The following ACOXL variants were observed in gnomAD, a reference collection of about 807,000 sequenced individuals.
ACOXL encodes acyl-CoA oxidase like, also known as acyl-coenzyme A oxidase-like protein.
Under a neutral mutation model 71.9 loss-of-function variants are expected in ACOXL, and 70 were observed. The observed-to-expected ratio is 0.97, with a 90% CI of 0.80 to 1.19. The LOEUF (loss-of-function observed/expected upper bound fraction) is 1.19. Ranked by LOEUF, ACOXL falls within the 50% of genes most tolerant of loss-of-function variation. The pLI, the probability that ACOXL is intolerant of heterozygous loss-of-function variation, is 0.00. For missense variants in ACOXL, 703 were observed against 736.3 expected (o/e 0.95, Z 0.52); for synonymous variants, 253 against 281.6 (o/e 0.90, Z 1.02).
At chr2:110,941,356 C>G (rs956672744) in intron 12 of ACOXL, among the ~76,000 whole-genome samples, 1 of 152,160 alleles carries the variant, frequency 6.6e-6, no homozygotes, top group African/African-American at 2.4e-5. Context: ...AAAAAATGGA[C>G]AATATATGTA....
At chr2:111,089,298 AAAACAAACAAACAAAC>A (rs368776745) in intron 16 of ACOXL, among the ~76,000 whole-genome samples, 2 of 152,028 alleles carry the variant, frequency 1.3e-5, no homozygotes, top group South Asian at 2.1e-4. Flanking sequence ...CTCCGTCTCA[AAAACAAACAAACAAAC>A]AAACAAACAA....
chr2:110,953,363 C>T (rs1280378449), intron 12 of ACOXL, among the ~76,000 whole-genome samples: 4 of 151,330 alleles, frequency 2.6e-5, no homozygotes, highest in South Asian at 2.1e-4. Flanking sequence ...TTAATTCCAT[C>T]GTAGAGAAAA....
At chr2:110,904,127 G>A (rs750983046) in intron 10 of ACOXL, among the ~76,000 whole-genome samples, 8 of 152,140 alleles carry the variant, frequency 5.3e-5, no homozygotes, top group Non-Finnish European at 1.2e-4. Flanking sequence ...GGATTGTCAG[G>A]GTCTTGGGCC....
intron 10 of ACOXL, chr2:110,887,018 C>T (rs10188169): frequency 0.34 from 263,333 of 777,718 alleles, 46,663 homozygotes; most frequent in Middle Eastern, 0.39. Context: ...TGCAGAGTGC[C>T]GCTTAGGAGA....
intron 10 of ACOXL, chr2:110,887,060 A>G (rs1381034247): frequency 7.7e-6 from 4 of 518,590 alleles, no homozygotes; most frequent in African/African-American, 5.7e-5. Context: ...TCTGCTGTGT[A>G]TGTCTCTCCA....
intron 12 of ACOXL, among the ~76,000 whole-genome samples, chr2:110,955,574 A>G (rs2149425096): frequency 6.6e-6 from 1 of 152,142 alleles, no homozygotes; most frequent in South Asian, 2.1e-4. Context: ...ACCTAAACTA[A>G]CATAAAATAA....
intron 1 of ACOXL, among the ~76,000 whole-genome samples, chr2:110,752,658 T>G (rs955609419): frequency 6.6e-6 from 1 of 151,802 alleles, no homozygotes; most frequent in African/African-American, 2.4e-5. Context: ...GACTCATGCC[T>G]CTGTTCTTGT....
At chr2:110,995,036 A>G (rs542062956) in intron 13 of ACOXL, among the ~76,000 whole-genome samples, 61 of 151,322 alleles carry the variant, frequency 4.0e-4, no homozygotes, top group Non-Finnish European at 7.7e-4. Flanking sequence ...TTCCTGATAT[A>G]TAATATATTT....
chr2:110,772,923 C>T (rs1327655129), intron 2 of ACOXL, among the ~76,000 whole-genome samples: 1 of 152,182 alleles, frequency 6.6e-6, no homozygotes, highest in Non-Finnish European at 1.5e-5. Flanking sequence ...GATACTAAAA[C>T]AATGTGAAAC....
intron 12 of ACOXL, among the ~76,000 whole-genome samples, chr2:110,953,894 A>G (rs565588475): frequency 6.6e-6 from 1 of 152,356 alleles, no homozygotes; most frequent in Admixed American, 6.5e-5. Context: ...ACGCATTATC[A>G]TGAGAACAAC....
intron 12 of ACOXL, among the ~76,000 whole-genome samples, chr2:110,946,857 C>T (rs2061129045): frequency 6.6e-6 from 1 of 152,120 alleles, no homozygotes; most frequent in South Asian, 2.1e-4. Context: ...CTGCTGTTTC[C>T]CCCTGTTGTC....
intron 14 of ACOXL, among the ~76,000 whole-genome samples, chr2:111,007,130 G>C (rs542279779): frequency 6.6e-6 from 1 of 152,170 alleles, no homozygotes; most frequent in Non-Finnish European, 1.5e-5. Flanking sequence ...GAGACCCTGG[G>C]AGTCACATAG....
chr2:111,116,510 C>G (rs1026423679), intron 17 of ACOXL, among the ~76,000 whole-genome samples: 2 of 152,078 alleles, frequency 1.3e-5, no homozygotes, highest in Non-Finnish European at 2.9e-5. Context: ...CTCTGAAAAC[C>G]TGAAATGGCG....
At chr2:110,977,007 G>T (rs953262813) in intron 12 of ACOXL, among the ~76,000 whole-genome samples, 8 of 152,226 alleles carry the variant, frequency 5.3e-5, no homozygotes, top group Non-Finnish European at 1.2e-4. Context: ...GTAAAAGATT[G>T]GGTAGGAGAT....
At chr2:110,920,484 A>G (rs1420319671) in intron 11 of ACOXL, among the ~76,000 whole-genome samples, 1 of 152,084 alleles carries the variant, frequency 6.6e-6, no homozygotes, top group African/African-American at 2.4e-5. Context: ...GACTTTTTGC[A>G]TCATATTTTT....
chr2:110,789,398 A>T (rs115857180), intron 3 of ACOXL, among the ~76,000 whole-genome samples: 1,992 of 152,176 alleles, frequency 0.013, 20 homozygotes, highest in Non-Finnish European at 0.02. Context: ...GCCTGCTTGG[A>T]CTGCTATAAC....
chr2:110,995,498 T>TAAAAAA (rs1157308860), intron 13 of ACOXL, among the ~76,000 whole-genome samples: 95 of 2,804 alleles, frequency 0.034, no homozygotes, highest in Non-Finnish European at 0.058. Flanking sequence ...AGACTCTGTC[T>TAAAAAA]CAAAAAAAAA....
At chr2:110,781,881 T>C (rs1342603462) in intron 2 of ACOXL, among the ~76,000 whole-genome samples, 3 of 152,182 alleles carry the variant, frequency 2.0e-5, no homozygotes, top group African/African-American at 7.2e-5. Flanking sequence ...CAGACTACTC[T>C]GTGAAAACAT....
Position 110,920,218 on chromosome 2 carries a change from G to A in ACOXL, c.905+11313G>A, listed in dbSNP as rs577047392. ...AAGGGTGCAGTTGTCCTGCATCCTTGCCAGCCATTGTTATTGTCAGATTTT... is the reference window on the plus strand; with the variant it reads ...AAGGGTGCAGTTGTCCTGCATCCTTACCAGCCATTGTTATTGTCAGATTTT... On this transcript the variant is annotated intron_variant, in intron 11 of 17. Coordinates refer to ENST00000439055, the MANE Select transcript of ACOXL (RefSeq NM_001142807.4). Among the ~76,000 whole-genome samples, 5 of 152,286 alleles carry A rather than the reference G, an allele frequency of 3.3e-5. No homozygotes were observed. The South Asian group carries it at 1.0e-3, about 32-fold the overall frequency.
Sources: gnomAD v4.1 joint callset for allele counts (sites outside exome capture counted in the v4.1 genomes callset) on GRCh38, gnomAD v4.1.1 for gene constraint, MANE v1.5 for transcripts, NCBI Gene and HGNC (gene_info 2026-07-23, HGNC 2026-07-21) for gene names.